WDHD1: variants seen among roughly 807,000 people sequenced by gnomAD.
WDHD1 encodes WD repeat and HMG-box DNA binding protein 1, also known as WD repeat and HMG-box DNA-binding protein 1.
WDHD1 carries 111 observed loss-of-function variants against 135.4 expected under a neutral mutation model. That is an observed-to-expected ratio of 0.82 (90% CI 0.70 to 0.96). WDHD1 has a LOEUF of 0.96. WDHD1 is among the 40% of genes least tolerant of loss of function. WDHD1 has a pLI of 0.00. For missense variants in WDHD1, 1,351 were observed against 1,336.3 expected (o/e 1.01, Z -0.17); for synonymous variants, 434 against 439.0 (o/e 0.99, Z 0.14).
At chr14:54,961,643 T>C (rs966216058) in intron 21 of WDHD1, among the ~76,000 whole-genome samples, 1 of 152,216 alleles carries the variant, frequency 6.6e-6, no homozygotes, top group Admixed American at 6.5e-5. Flanking sequence ...ATGACAGCTA[T>C]GTGTCATACG....
In WDHD1 at chr14:54,939,710, C is replaced by T. The variant is rs1055699526; in HGVS notation, c.*1780G>A. 72 of 152,098 alleles carry T rather than the reference C, an allele frequency of 4.7e-4. No individual in the cohort carries two copies. Among genetic ancestry groups the T allele is most frequent in the African/African-American group, 1.7e-3 (70 of 41,522 alleles). The allele number at this position is 152,098 out of a possible 1,614,324, so 9.4% of individuals were successfully genotyped here. A position where few individuals can be genotyped will look rare whatever the true frequency, so the allele number is the denominator to read the frequency against. ...AAACCAAGTCAATACAAAAACCTTC[C>T]TTCAGCCAAAAAAAAGTAGGGAAGT... On this transcript the variant is annotated 3_prime_UTR_variant, in exon 26 of 26. Transcript: ENST00000360586.
chr14:54,943,110 C>T (rs2040864586), intron 25 of WDHD1, among the ~76,000 whole-genome samples: 1 of 152,208 alleles, frequency 6.6e-6, no homozygotes, highest in Non-Finnish European at 1.5e-5. Flanking sequence ...CCCTGCCATT[C>T]CTGGGGAAGT....
chr14:54,956,939 C>T, intron 23 of WDHD1, 95 bp downstream of exon 23: 1 of 1,441,182 alleles, frequency 6.9e-7, no homozygotes, highest in East Asian at 2.3e-5. Flanking sequence ...TGTAAACAAT[C>T]AGAACCTCCT....
At chr14:54,944,233 C>A (rs1210220672) in intron 25 of WDHD1, 99 bp downstream of exon 25, 1 of 1,483,042 alleles carries the variant, frequency 6.7e-7, no homozygotes, top group African/African-American at 1.4e-5. Context: ...GCTAGGATTA[C>A]AGGCATAAGA....
intron 25 of WDHD1, among the ~76,000 whole-genome samples, chr14:54,943,167 C>T (rs992492421): frequency 7.2e-5 from 11 of 152,318 alleles, no homozygotes; most frequent in Non-Finnish European, 1.0e-4. Context: ...CCTTCCACTT[C>T]TAACTGAGAG....
intron 16 of WDHD1, among the ~76,000 whole-genome samples, chr14:54,976,748 A>G (rs1310445877): frequency 6.6e-6 from 1 of 152,060 alleles, no homozygotes; most frequent in Non-Finnish European, 1.5e-5. Context: ...AATAAATAAT[A>G]AATAATAAAT....
Position 54,987,242 on chromosome 14 carries a change from T to C in WDHD1, c.1672A>G (p.Thr558Ala), listed in dbSNP as rs577757798. 3 of 1,614,054 alleles carry C rather than the reference T, an allele frequency of 1.9e-6. No individual in the cohort carries two copies. The highest frequency in any genetic ancestry group is 1.1e-5 in the South Asian group (1 of 91,080). The change falls in exon 14 of 26, where the codon ACT (threonine) becomes GCT (alanine). Residue 558 changes from threonine to alanine, a missense_variant. This residue lies in a region of WDHD1 where 1,330 missense variants were observed against 1,296.1 expected (regional missense o/e 1.03). Transcript: ENST00000360586. ...ACCTCTTTTTGAACCCCTCCAATAG[T>C]AAACAATCGAAGAAGCAGGGCACTA... is the stretch of plus-strand genomic sequence containing the variant. ...ATSALLLRLF[T>A]IGGVQKEVFS...
intron 16 of WDHD1, among the ~76,000 whole-genome samples, chr14:54,978,309 C>T (rs979216810): frequency 5.9e-5 from 9 of 152,180 alleles, no homozygotes; most frequent in Non-Finnish European, 1.0e-4. Flanking sequence ...TGTGGCTTGG[C>T]ATCTGGCTTA....
intron 2 of WDHD1, among the ~76,000 whole-genome samples, chr14:55,024,128 C>T (rs1044144907): frequency 6.6e-6 from 1 of 152,088 alleles, no homozygotes; most frequent in Non-Finnish European, 1.5e-5. Context: ...AAAAAATCCA[C>T]GTATAAGTAG....
At chr14:54,961,043 G>C (rs571120485) in intron 21 of WDHD1, among the ~76,000 whole-genome samples, 1 of 152,220 alleles carries the variant, frequency 6.6e-6, no homozygotes, top group Non-Finnish European at 1.5e-5. Flanking sequence ...GGTCTCAAGT[G>C]ATCCTTCCAC....
chr14:55,011,152 G>A (rs1307857394), intron 3 of WDHD1, among the ~76,000 whole-genome samples: 2 of 152,188 alleles, frequency 1.3e-5, no homozygotes, highest in African/African-American at 4.8e-5. Context: ...ACTAATACAA[G>A]ACCATGTTTA....
intron 16 of WDHD1, among the ~76,000 whole-genome samples, chr14:54,968,334 T>C (rs1282623065): frequency 2.0e-5 from 3 of 151,850 alleles, no homozygotes; most frequent in African/African-American, 4.8e-5. Flanking sequence ...AGACACAACA[T>C]ATCAAAATAT....
At chr14:54,993,449 G>A (rs889687501) in intron 11 of WDHD1, among the ~76,000 whole-genome samples, 18 of 152,124 alleles carry the variant, frequency 1.2e-4, no homozygotes, top group South Asian at 6.2e-4. Flanking sequence ...TAACAGAGCC[G>A]TAAGAGTTCA....
Position 55,001,079 on chromosome 14 carries a change from A to AT in WDHD1, c.694-88dup, listed in dbSNP as rs201210469. Reference sequence around the variant, plus strand: ...TATTACCAAATTCAATTTTCTTTTCATTTTTTTTCAAGAATTTGGAGGGGA... The same window carrying AT: ...TATTACCAAATTCAATTTTCTTTTCATTTTTTTTTCAAGAATTTGGAGGGGA... On this transcript the variant is annotated intron_variant, in intron 8 of 25. Coordinates refer to ENST00000360586, the MANE Select transcript of WDHD1 (RefSeq NM_007086.4). 278 of 915,038 alleles carry AT rather than the reference A, an allele frequency of 3.0e-4. 1 individual carries two copies. The East Asian group carries it at 5.1e-3, about 17-fold the overall frequency. The allele number at this position is 915,038 out of a possible 1,614,324, so 56.7% of individuals were successfully genotyped here. A position where few individuals can be genotyped will look rare whatever the true frequency, so the allele number is the denominator to read the frequency against.
At chr14:55,013,890 G>A (rs941670708) in intron 2 of WDHD1, among the ~76,000 whole-genome samples, 1 of 151,782 alleles carries the variant, frequency 6.6e-6, no homozygotes, top group Admixed American at 6.6e-5. Flanking sequence ...CTGGGCAACA[G>A]AGCAAGACTC....
intron 2 of WDHD1, among the ~76,000 whole-genome samples, chr14:55,017,013 C>T (rs1339076720): frequency 2.0e-5 from 3 of 152,052 alleles, no homozygotes; most frequent in East Asian, 1.9e-4. Flanking sequence ...GAAAATCGCC[C>T]GTATTAATTC....
intron 16 of WDHD1, among the ~76,000 whole-genome samples, chr14:54,980,522 T>G (rs2041600005): frequency 6.6e-6 from 1 of 152,036 alleles, no homozygotes. Context: ...AAAATACTAT[T>G]AGTCCAGGAC....
intron 11 of WDHD1, among the ~76,000 whole-genome samples, chr14:54,995,242 A>G (rs1005308250): frequency 3.3e-5 from 5 of 152,092 alleles, no homozygotes; most frequent in Non-Finnish European, 5.9e-5. Flanking sequence ...CAGCCTCCCA[A>G]AGTGCTGGGA....
chr14:54,967,675 C>T (rs1490653075), intron 16 of WDHD1, among the ~76,000 whole-genome samples: 1 of 152,020 alleles, frequency 6.6e-6, no homozygotes, highest in African/African-American at 2.4e-5. Flanking sequence ...GGCTAAAGCA[C>T]GGTGGTGTGA....
Sources: allele counts gnomAD v4.1 joint callset (sites outside exome capture counted in the v4.1 genomes callset), GRCh38; gene constraint gnomAD v4.1.1; regional missense constraint gnomAD v4.1.1; transcripts MANE v1.5; gene names NCBI Gene and HGNC (gene_info 2026-07-23, HGNC 2026-07-21).